The following CCNC variants were observed in gnomAD, a reference collection of about 807,000 sequenced individuals.
CCNC encodes cyclin-C.
Under a neutral mutation model 50.0 loss-of-function variants are expected in CCNC, and 19 were observed. The ratio of observed to expected loss-of-function variants is 0.38; its 90% confidence interval spans 0.27 to 0.56. The LOEUF is 0.56. Among genes scored for constraint, CCNC ranks in the 20% least tolerant of loss-of-function variants. CCNC has a pLI of 0.72. For missense variants in CCNC, 200 were observed against 327.1 expected (o/e 0.61, Z 3.00); for synonymous variants, 93 against 103.7 (o/e 0.90, Z 0.63).
At chr6:99,543,699 T>C in intron 11 of CCNC, 90 bp from the exon 12 acceptor site, 3 of 1,571,900 alleles carry the variant, frequency 1.9e-6, no homozygotes, top group Non-Finnish European at 2.6e-6. Flanking sequence ...AATTCATTAT[T>C]CTGTGGCACA....
At chr6:99,546,124 C>T (rs1315996439) in intron 10 of CCNC, among the ~76,000 whole-genome samples, 1 of 152,064 alleles carries the variant, frequency 6.6e-6, no homozygotes, top group Non-Finnish European at 1.5e-5. Flanking sequence ...TGCCACCACA[C>T]CCAGCTAATT....
chr6:99,558,309 A>G (rs1802625930), intron 5 of CCNC, 188 bp downstream of exon 5: 5 of 741,490 alleles, frequency 6.7e-6, no homozygotes, highest in Non-Finnish European at 9.8e-6. Flanking sequence ...ATATCTTTAT[A>G]TCTTTTTAAA....
At chr6:99,543,638 A>G (rs1801958376) in intron 11 of CCNC, 29 bp from the exon 12 acceptor site, 2 of 1,611,780 alleles carry the variant, frequency 1.2e-6, no homozygotes, top group East Asian at 2.2e-5. Flanking sequence ...AAGAGATTTT[A>G]TACCAATTAA....
intron 1 of CCNC, chr6:99,568,284 C>G (rs1260038251): frequency 3.9e-5 from 23 of 588,804 alleles, no homozygotes; most frequent in Non-Finnish European, 6.7e-5. Context: ...CACCCCTCCC[C>G]CTCACAGATC....
intron 1 of CCNC, 132 bp downstream of exon 1, chr6:99,568,364 A>G (rs330872): frequency 0.83 from 687,114 of 829,718 alleles, 287,690 homozygotes; most frequent in East Asian, 1. Flanking sequence ...CTTGATTCTG[A>G]CCGCTGCGGT....
intron 1 of CCNC, among the ~76,000 whole-genome samples, chr6:99,567,420 CATAT>C (rs1554263407): frequency 2.4e-5 from 2 of 83,596 alleles, no homozygotes; most frequent in African/African-American, 9.3e-5. Flanking sequence ...CACACACACA[CATAT>C]ATATACACAC....
In CCNC at chr6:99,547,621, T is replaced by C. The variant is rs1004816573; in HGVS notation, c.599-1147A>G. 2.8e-4 allele frequency among the ~76,000 whole-genome samples: 43 copies of C among 152,214 alleles called. 1 individual carries two copies. The highest frequency in any genetic ancestry group is 9.4e-4 in the African/African-American group (39 of 41,452). On this transcript the variant is annotated intron_variant, in intron 9 of 11. Transcript: ENST00000520429. ...AACAATTCTTTGACACTGTCTTGAA[T>C]ACTACAAGATGCTTGGCAGCATCCC...
chr6:99,558,506 T>TAGC lies in CCNC; in HGVS notation c.334_336dup (p.Ala112dup). On this transcript the variant is annotated inframe_insertion, in exon 5 of 12. Coordinates refer to ENST00000520429, the MANE Select transcript of CCNC (RefSeq NM_005190.4). ...TACTTTTTGCACTTACATACAGAAG[T>TAGC]AGCAGCAGCAATCAATCTTGTATTT... The TAGC allele has an allele frequency of 6.2e-7, 1 of 1,610,512 alleles. No individual in the cohort carries two copies. Among genetic ancestry groups the TAGC allele is most frequent in the Non-Finnish European group, 8.5e-7 (1 of 1,178,656 alleles).
intron 5 of CCNC, among the ~76,000 whole-genome samples, chr6:99,554,294 G>A (rs1215531462): frequency 3.3e-5 from 5 of 151,148 alleles, no homozygotes; most frequent in African/African-American, 7.3e-5. Context: ...GACCTTGATC[G>A]CCTGGCTAAG....
At chr6:99,566,901 A>G (rs955338376) in intron 1 of CCNC, 5 of 450,342 alleles carry the variant, frequency 1.1e-5, no homozygotes, top group African/African-American at 8.0e-5. Context: ...AATTCACCTA[A>G]GACAATGGCC....
intron 10 of CCNC, 49 bp downstream of exon 10, chr6:99,546,346 A>G (rs767255197): frequency 1.7e-6 from 2 of 1,196,222 alleles, no homozygotes; most frequent in African/African-American, 3.0e-5. Flanking sequence ...ATAAGTAAAT[A>G]TGACATTAAT....
chr6:99,568,555 C>T lies in CCNC; in HGVS notation c.-28G>A. ...AACACAGCTTGCCCTGATAAAAAAG[C>T]ACCAGCCGGCGGAGCGGCCCGCGGA... On this transcript the variant is annotated 5_prime_UTR_variant, in exon 1 of 12. Coordinates refer to ENST00000520429, the MANE Select transcript of CCNC (RefSeq NM_005190.4). The T allele has an allele frequency of 1.2e-6, 2 of 1,608,988 alleles. No individual in the cohort carries two copies. The highest frequency in any genetic ancestry group is 1.7e-4 in the Middle Eastern group (1 of 6,058).
chr6:99,549,789 T>C, intron 8 of CCNC: 1 of 413,796 alleles, frequency 2.4e-6, no homozygotes, highest in South Asian at 8.8e-5. Context: ...AAATTACAGC[T>C]AAATATATTT....
chr6:99,561,633 G>T lies in CCNC; in HGVS notation c.188C>A (p.Ala63Asp). The T allele has an allele frequency of 6.2e-7, 1 of 1,610,272 alleles. No homozygotes were observed. Among genetic ancestry groups the T allele is most frequent in the Non-Finnish European group, 8.5e-7 (1 of 1,177,262 alleles). The change falls in exon 3 of 12, where the codon GCC becomes GAC. Residue 63 changes from alanine (A) to aspartate (D), a missense_variant. Coordinates refer to ENST00000520429, the MANE Select transcript of CCNC (RefSeq NM_005190.4). ...EHLKLRQQVI[A>D]TATVYFKRFY... is the part of the protein sequence containing the mutation. Reference sequence around the variant, plus strand: ...TCTCTTGAAATATACCGTAGCAGTGGCAATAACTTGTTGTCTTAATTTAAG... The same window carrying T: ...TCTCTTGAAATATACCGTAGCAGTGTCAATAACTTGTTGTCTTAATTTAAG...
chr6:99,546,355 A>G (rs752452475), intron 10 of CCNC, 40 bp downstream of exon 10: 5 of 1,323,482 alleles, frequency 3.8e-6, no homozygotes, highest in Non-Finnish European at 5.5e-6. Context: ...TATGACATTA[A>G]TTTTTAAACA....
chr6:99,568,082 G>A (rs1047703224), intron 1 of CCNC: 1 of 184,650 alleles, frequency 5.4e-6, no homozygotes, highest in Non-Finnish European at 1.1e-5. Context: ...AAAAGACCAC[G>A]ACGCCGATCA....
At chr6:99,561,126 A>C (rs752379769) in intron 4 of CCNC, among the ~76,000 whole-genome samples, 1 of 152,222 alleles carries the variant, frequency 6.6e-6, no homozygotes, top group Non-Finnish European at 1.5e-5. Context: ...TAAAATGGGA[A>C]TACTACTACT....
intron 5 of CCNC, among the ~76,000 whole-genome samples, chr6:99,554,745 C>G (rs1185270945): frequency 2.0e-5 from 3 of 152,096 alleles, no homozygotes; most frequent in African/African-American, 7.2e-5. Context: ...TTTCTTGCCC[C>G]AGTCCTAGAA....
upstream of CCNC, chr6:99,568,780 A>T (rs868585906): frequency 6.4e-5 from 79 of 1,236,926 alleles, no homozygotes; most frequent in Admixed American, 2.2e-4. Flanking sequence ...GCCGGAGGGG[A>T]GGTGCTGACC....
Sources: gnomAD v4.1 joint callset for allele counts (sites outside exome capture counted in the v4.1 genomes callset) on GRCh38, gnomAD v4.1.1 for gene constraint, MANE v1.5 for transcripts, NCBI Gene and HGNC (gene_info 2026-07-23, HGNC 2026-07-21) for gene names.